GRM7: variants seen among roughly 807,000 people sequenced by gnomAD.
The protein encoded by GRM7 is glutamate metabotropic receptor 7, also known as metabotropic glutamate receptor 7.
A neutral mutation model predicts 84.5 loss-of-function variants in GRM7; 35 were observed. The ratio of observed to expected loss-of-function variants is 0.41; its 90% confidence interval spans 0.32 to 0.55. The LOEUF is 0.55. Among genes scored for constraint, GRM7 ranks in the 20% least tolerant of loss-of-function variants. The pLI is 0.19. For synonymous variants in GRM7, 487 were observed against 455.1 expected, an observed-to-expected ratio of 1.07 and a Z score of -0.89; for missense variants, 1,003 against 1,194.6, an observed-to-expected ratio of 0.84 and a Z score of 2.36.
chr3:7,369,638 C>G (rs1050990051), intron 4 of GRM7, among the ~76,000 whole-genome samples: 3 of 152,012 alleles, frequency 2.0e-5, no homozygotes, highest in Non-Finnish European at 2.9e-5. Context: ...ATAATTTTTT[C>G]TTGTAAGACT....
At chr3:6,975,016 G>T (rs992973943) in intron 1 of GRM7, among the ~76,000 whole-genome samples, 2 of 152,136 alleles carry the variant, frequency 1.3e-5, no homozygotes, top group Admixed American at 6.5e-5. Context: ...GGCAGTTTTA[G>T]CAGAGGAAGT....
At chr3:7,735,526 G>A (rs768998866) in intron 9 of GRM7, among the ~76,000 whole-genome samples, 12 of 152,064 alleles carry the variant, frequency 7.9e-5, no homozygotes, top group Non-Finnish European at 1.6e-4. Flanking sequence ...GAAAACTGAG[G>A]TATTTCTAAT....
At chr3:6,946,884 A>G (rs996656271) in intron 1 of GRM7, among the ~76,000 whole-genome samples, 1 of 152,088 alleles carries the variant, frequency 6.6e-6, no homozygotes, top group Non-Finnish European at 1.5e-5. Flanking sequence ...AAAGCTTGTG[A>G]TTTTTGCACA....
Position 7,473,492 on chromosome 3 carries a change from GA to G in GRM7, c.1515+11771del, listed in dbSNP as rs1277018187. On this transcript the variant is annotated intron_variant, in intron 7 of 9. Transcript: ENST00000357716. ...CTCTGTCTCTTAAAAACGAGAGGGA[GA>G]GAGAGAGAGAGAGAGAGAGAGAGAG... Among the ~76,000 whole-genome samples, 227 of 52,384 alleles carry G rather than the reference GA, an allele frequency of 4.3e-3. 1 individual carries two copies. Among genetic ancestry groups the G allele is most frequent in the African/African-American group, 0.019 (200 of 10,380 alleles). 34.4% of individuals were successfully genotyped at this position (52,384 alleles called of 152,430 possible). A position where few individuals can be genotyped will look rare whatever the true frequency, so the allele number is the denominator to read the frequency against.
intron 8 of GRM7, among the ~76,000 whole-genome samples, chr3:7,626,209 C>T (rs994595327): frequency 3.9e-5 from 6 of 152,116 alleles, no homozygotes; most frequent in Non-Finnish European, 8.8e-5. Context: ...CTCCCAGAAC[C>T]TCACTTTGAC....
chr3:7,656,894 T>TG (rs1426202410), intron 8 of GRM7, among the ~76,000 whole-genome samples: 2 of 152,156 alleles, frequency 1.3e-5, no homozygotes, highest in Non-Finnish European at 1.5e-5. Context: ...TCCTTAGCAA[T>TG]GGGGGAGGTA....
At chr3:7,637,125 A>T (rs71308558) in intron 8 of GRM7, among the ~76,000 whole-genome samples, 65 of 152,166 alleles carry the variant, frequency 4.3e-4, no homozygotes, top group Non-Finnish European at 8.2e-4. Context: ...ATTTGAAGAC[A>T]TGTCCCCTTT....
chr3:7,148,969 G>A (rs539770908), intron 2 of GRM7, among the ~76,000 whole-genome samples: 52 of 152,166 alleles, frequency 3.4e-4, no homozygotes, highest in African/African-American at 9.9e-4. Flanking sequence ...TATTTGGCAT[G>A]TATTTATAAT....
intron 1 of GRM7, among the ~76,000 whole-genome samples, chr3:6,925,918 T>C (rs904513058): frequency 2.0e-5 from 3 of 152,144 alleles, no homozygotes; most frequent in Non-Finnish European, 4.4e-5. Context: ...CTATAAATCA[T>C]GTGAGAGTAT....
Position 7,740,500 on chromosome 3 carries a change from A to T in GRM7, c.*94A>T, listed in dbSNP as rs1027109794. ...GACTCTTTGGTCCTACCCGCTTCCC[A>T]TCACCGGAGGAGCTTCCCCGGCCGG... On this transcript the variant is annotated 3_prime_UTR_variant, in exon 10 of 10. Transcript: ENST00000357716. The T allele has an allele frequency of 1.0e-5, 7 of 672,066 alleles. No individual in the cohort carries two copies. Among genetic ancestry groups the T allele is most frequent in the Admixed American group, 3.4e-5 (1 of 29,554 alleles). 41.6% of individuals were successfully genotyped at this position (672,066 alleles called of 1,614,324 possible).
chr3:7,189,703 A>G (rs2063882), intron 2 of GRM7, among the ~76,000 whole-genome samples: 46,035 of 152,000 alleles, frequency 0.3, 7,070 homozygotes, highest in Middle Eastern at 0.39. Flanking sequence ...GGATAAATTT[A>G]AAATATGTAC....
intron 7 of GRM7, among the ~76,000 whole-genome samples, chr3:7,461,972 G>C (rs1698267956): frequency 6.6e-6 from 1 of 151,950 alleles, no homozygotes; most frequent in South Asian, 2.1e-4. Flanking sequence ...TCTGAGACTG[G>C]GGTTACTTAG....
intron 7 of GRM7, among the ~76,000 whole-genome samples, chr3:7,532,816 A>T (rs2125006601): frequency 6.7e-6 from 1 of 150,336 alleles, no homozygotes; most frequent in African/African-American, 2.4e-5. Context: ...AAAAAAAAAA[A>T]AAAAAAGCAG....
At chr3:7,509,942 A>G (rs764556875) in intron 7 of GRM7, among the ~76,000 whole-genome samples, 5 of 152,206 alleles carry the variant, frequency 3.3e-5, no homozygotes, top group African/African-American at 4.8e-5. Flanking sequence ...TTGGAAAAAG[A>G]GAGCTAAACC....
At chr3:7,655,633 A>T (rs959182674) in intron 8 of GRM7, among the ~76,000 whole-genome samples, 2 of 152,144 alleles carry the variant, frequency 1.3e-5, no homozygotes. Context: ...GCCCATAGAG[A>T]GGGATCTGAG....
At chr3:6,977,190 C>A (rs1397998164) in intron 1 of GRM7, among the ~76,000 whole-genome samples, 1 of 152,116 alleles carries the variant, frequency 6.6e-6, no homozygotes, top group Non-Finnish European at 1.5e-5. Context: ...TAGTTGATGC[C>A]ATTTGCCACT....
At chr3:7,220,204 A>G (rs1367238633) in intron 2 of GRM7, among the ~76,000 whole-genome samples, 1 of 152,172 alleles carries the variant, frequency 6.6e-6, no homozygotes, top group Non-Finnish European at 1.5e-5. Context: ...ACACATGGTG[A>G]CTTCTTTTCA....
At chr3:7,222,363 C>A (rs77757953) in intron 2 of GRM7, among the ~76,000 whole-genome samples, 1,567 of 152,082 alleles carry the variant, frequency 0.01, 28 homozygotes, top group African/African-American at 0.034. Flanking sequence ...TCCCAACCCC[C>A]ACCGCGAACT....
chr3:6,874,842 A>G (rs1485368553), intron 1 of GRM7, among the ~76,000 whole-genome samples: 1 of 151,988 alleles, frequency 6.6e-6, no homozygotes, highest in African/African-American at 2.4e-5. Context: ...AGGAAAACTT[A>G]CTCCTTTCAG....
Sources: allele counts gnomAD v4.1 joint callset (sites outside exome capture counted in the v4.1 genomes callset), GRCh38; gene constraint gnomAD v4.1.1; transcripts MANE v1.5; gene names NCBI Gene and HGNC (gene_info 2026-07-23, HGNC 2026-07-21).